Variants in STX17 observed in about 807,000 individuals in gnomAD.
STX17 encodes the protein syntaxin-17.
A neutral mutation model predicts 35.9 loss-of-function variants in STX17; 29 were observed. The observed-to-expected ratio is 0.81, with a 90% CI of 0.60 to 1.10. The LOEUF (loss-of-function observed/expected upper bound fraction) is 1.10, where lower values mean the gene tolerates loss of function less well. Ranked by LOEUF, STX17 falls within the 50% of genes least tolerant of loss-of-function variation. The pLI is 0.00. For missense variants in STX17, 312 were observed against 352.3 expected, an observed-to-expected ratio of 0.89 and a Z score of 0.92; for synonymous variants, 92 against 118.3, an observed-to-expected ratio of 0.78 and a Z score of 1.44.
chr9:99,913,507 A>G (rs1280631979), intron 1 of STX17, among the ~76,000 whole-genome samples: 3 of 151,914 alleles, frequency 2.0e-5, no homozygotes, highest in South Asian at 2.1e-4. Context: ...CTGGCCTCTT[A>G]CTGTTTCATA....
chr9:99,948,626 G>T (rs890659208), intron 3 of STX17, among the ~76,000 whole-genome samples: 2 of 151,960 alleles, frequency 1.3e-5, no homozygotes, highest in Non-Finnish European at 2.9e-5. Context: ...TATTGTGAGG[G>T]GAAGATAAAA....
intron 2 of STX17, among the ~76,000 whole-genome samples, chr9:99,918,941 G>C (rs2118326384): frequency 6.6e-6 from 1 of 152,254 alleles, no homozygotes; most frequent in South Asian, 2.1e-4. Context: ...AGCCTTTTAA[G>C]CCAGGGGAAG....
chr9:99,951,523 T>C (rs1465541132), intron 4 of STX17, among the ~76,000 whole-genome samples: 2 of 152,036 alleles, frequency 1.3e-5, no homozygotes, highest in African/African-American at 4.8e-5. Flanking sequence ...CCCGTTTGTC[T>C]ATTTATTGAA....
intron 7 of STX17, 124 bp downstream of exon 7, chr9:99,967,863 A>G: frequency 2.5e-6 from 2 of 786,890 alleles, no homozygotes; most frequent in Non-Finnish European, 4.4e-6. Context: ...TAAGGAAGAA[A>G]TGACACATAG....
At chr9:99,911,471 T>C (rs1336438869) in intron 1 of STX17, among the ~76,000 whole-genome samples, 1 of 152,206 alleles carries the variant, frequency 6.6e-6, no homozygotes, top group African/African-American at 2.4e-5. Context: ...AACATGGGGC[T>C]GTAGGTATCT....
intron 6 of STX17, among the ~76,000 whole-genome samples, chr9:99,962,669 C>G (rs143301675): frequency 2.0e-5 from 3 of 152,200 alleles, no homozygotes; most frequent in African/African-American, 4.8e-5. Context: ...GTAAGCAGCT[C>G]ATAACCTCTA....
chr9:99,967,508 G>T, intron 6 of STX17, 145 bp from the exon 7 acceptor site: 6 of 424,480 alleles, frequency 1.4e-5, no homozygotes, highest in South Asian at 3.1e-5. Context: ...CTTTCGACAT[G>T]GCTTATCAGA....
intron 7 of STX17, 81 bp downstream of exon 7, chr9:99,967,820 C>T (rs537083171): frequency 4.1e-6 from 5 of 1,226,494 alleles, no homozygotes; most frequent in Non-Finnish European, 6.0e-6. Context: ...GATCTGCTCT[C>T]TTCAATGTTG....
intron 2 of STX17, among the ~76,000 whole-genome samples, chr9:99,928,501 G>A (rs190952154): frequency 3.3e-5 from 5 of 152,042 alleles, no homozygotes; most frequent in Non-Finnish European, 4.4e-5. Flanking sequence ...CAGAGAGTTT[G>A]CAACATAGAC....
At chr9:99,945,771 A>C (rs1238938327) in intron 3 of STX17, 3 of 396,652 alleles carry the variant, frequency 7.6e-6, no homozygotes, top group Non-Finnish European at 1.5e-5. Context: ...TGTGGAACAA[A>C]AATTTTTTTT....
chr9:99,936,635 C>T (rs951486736), intron 3 of STX17, among the ~76,000 whole-genome samples: 6 of 151,924 alleles, frequency 3.9e-5, no homozygotes, highest in South Asian at 2.1e-4. Flanking sequence ...CTTTAGTGTA[C>T]ATCTTATCAC....
At chr9:99,943,143 GTTTGTTTT>G (rs1417364492) in intron 3 of STX17, among the ~76,000 whole-genome samples, 1 of 151,978 alleles carries the variant, frequency 6.6e-6, no homozygotes. Context: ...TTGTTTGTTT[GTTTGTTTT>G]GAGATGCAGT....
At chr9:99,950,267 G>A (rs992352570) in intron 3 of STX17, among the ~76,000 whole-genome samples, 1 of 151,818 alleles carries the variant, frequency 6.6e-6, no homozygotes, top group Non-Finnish European at 1.5e-5. Context: ...GAAGAAATAG[G>A]CAATCATACC....
intron 4 of STX17, among the ~76,000 whole-genome samples, chr9:99,954,633 CTTA>C (rs1829671838): frequency 6.6e-6 from 1 of 151,842 alleles, no homozygotes; most frequent in South Asian, 2.1e-4. Context: ...GCTTTAGATA[CTTA>C]TTATAGTAGC....
At chr9:99,931,435 G>A (rs1028849257) in intron 3 of STX17, among the ~76,000 whole-genome samples, 1 of 151,324 alleles carries the variant, frequency 6.6e-6, no homozygotes, top group African/African-American at 2.4e-5. Flanking sequence ...TTTAGTTCTG[G>A]GTAATTTTCT....
chr9:99,956,376 TA>T (rs1433734518), intron 4 of STX17, among the ~76,000 whole-genome samples: 2 of 152,132 alleles, frequency 1.3e-5, no homozygotes, highest in Non-Finnish European at 2.9e-5. Flanking sequence ...ATTATGGCTT[TA>T]AAAAATATTT....
intron 3 of STX17, among the ~76,000 whole-genome samples, chr9:99,931,239 A>G (rs1829115120): frequency 6.6e-6 from 1 of 152,146 alleles, no homozygotes; most frequent in African/African-American, 2.4e-5. Context: ...TCAGCCTTCC[A>G]AAGTGCTGGG....
chr9:99,946,273 C>T (rs1487218860), intron 3 of STX17, among the ~76,000 whole-genome samples: 1 of 152,016 alleles, frequency 6.6e-6, no homozygotes, highest in African/African-American at 2.4e-5. Flanking sequence ...AAATACTACA[C>T]CATTTTATGT....
intron 3 of STX17, among the ~76,000 whole-genome samples, chr9:99,942,654 G>A (rs934402433): frequency 6.6e-6 from 1 of 151,992 alleles, no homozygotes; most frequent in African/African-American, 2.4e-5. Context: ...ATTTAAAAGT[G>A]TTATTGTTTT....
Sources: gnomAD v4.1 joint callset for allele counts (sites outside exome capture counted in the v4.1 genomes callset) on GRCh38, gnomAD v4.1.1 for gene constraint, MANE v1.5 for transcripts, NCBI Gene and HGNC (gene_info 2026-07-23, HGNC 2026-07-21) for gene names.